APBB2: variants seen among roughly 807,000 people sequenced by gnomAD.
The protein encoded by APBB2 is Fe65-like 1.
APBB2 carries 38 observed loss-of-function variants against 82.5 expected under a neutral mutation model. The observed-to-expected ratio is 0.46, with a 90% CI of 0.36 to 0.60. APBB2 has a LOEUF of 0.60. Ranked by LOEUF, APBB2 falls within the 20% of genes least tolerant of loss-of-function variation. APBB2 has a pLI of 0.00. For synonymous variants in APBB2, 341 were observed against 368.2 expected, an observed-to-expected ratio of 0.93 and a Z score of 0.85; for missense variants, 772 against 972.3, an observed-to-expected ratio of 0.79 and a Z score of 2.74.
chr4:40,970,568 G>C (rs533815135), intron 6 of APBB2, among the ~76,000 whole-genome samples: 1 of 152,158 alleles, frequency 6.6e-6, no homozygotes, highest in African/African-American at 2.4e-5. Context: ...TTCAGCAATG[G>C]TCTTGCCAGT....
chr4:41,074,771 G>A (rs548786328), intron 3 of APBB2, among the ~76,000 whole-genome samples: 61 of 151,746 alleles, frequency 4.0e-4, no homozygotes, highest in African/African-American at 1.4e-3. Flanking sequence ...CACCAGTCCC[G>A]GCTAATTTTT....
At chr4:40,833,701 T>A (rs1321836129) in intron 12 of APBB2, among the ~76,000 whole-genome samples, 1 of 152,114 alleles carries the variant, frequency 6.6e-6, no homozygotes, top group Non-Finnish European at 1.5e-5. Flanking sequence ...TATACAACCC[T>A]GGGCATGGAA....
At chr4:41,147,214 A>T (rs1761016200) in intron 1 of APBB2, among the ~76,000 whole-genome samples, 1 of 152,224 alleles carries the variant, frequency 6.6e-6, no homozygotes, top group Non-Finnish European at 1.5e-5. Context: ...TAAGATAATG[A>T]GGGTAAGTTT....
chr4:40,960,703 T>G (rs1460859190), intron 6 of APBB2, among the ~76,000 whole-genome samples: 1 of 152,124 alleles, frequency 6.6e-6, no homozygotes, highest in African/African-American at 2.4e-5. Context: ...CACCTTGGCC[T>G]CCCAGAGTGC....
chr4:40,907,948 C>T (rs1005142100), intron 10 of APBB2, among the ~76,000 whole-genome samples: 6 of 150,486 alleles, frequency 4.0e-5, no homozygotes, highest in Non-Finnish European at 8.9e-5. Context: ...GGATTACAGG[C>T]GTGAGCCACT....
chr4:41,214,377 C>A (rs920244935), intron 1 of APBB2, 28 bp downstream of exon 1: 6 of 152,278 alleles, frequency 3.9e-5, no homozygotes, highest in Non-Finnish European at 8.8e-5. Context: ...GAATCCGGGG[C>A]AAAGGCAAGG....
intron 6 of APBB2, among the ~76,000 whole-genome samples, chr4:40,983,253 C>T (rs752369631): frequency 1.3e-4 from 20 of 152,318 alleles, no homozygotes; most frequent in Non-Finnish European, 2.6e-4. Flanking sequence ...TGCTCCACGG[C>T]CTGTGCTCTT....
chr4:40,884,078 C>A (rs2154347756), intron 12 of APBB2, among the ~76,000 whole-genome samples: 1 of 152,288 alleles, frequency 6.6e-6, no homozygotes, highest in Admixed American at 6.5e-5. Context: ...CGTATCTGAC[C>A]CAGCCTCTCC....
At chr4:40,896,900 G>A (rs1191399218) in intron 10 of APBB2, among the ~76,000 whole-genome samples, 2 of 152,326 alleles carry the variant, frequency 1.3e-5, no homozygotes, top group South Asian at 2.1e-4. Context: ...GCCACCAGGA[G>A]AGCATCTTAG....
chr4:41,080,856 C>A (rs924907756), intron 3 of APBB2, among the ~76,000 whole-genome samples: 2 of 152,140 alleles, frequency 1.3e-5, no homozygotes, highest in African/African-American at 4.8e-5. Context: ...GTGCCTGCCA[C>A]TACACCAGGC....
intron 12 of APBB2, chr4:40,880,132 A>G: frequency 1.0e-6 from 1 of 985,464 alleles, no homozygotes; most frequent in Non-Finnish European, 1.2e-6. Context: ...GGATGGAGAC[A>G]GTGGCACACA....
intron 6 of APBB2, among the ~76,000 whole-genome samples, chr4:40,947,101 A>G (rs925363904): frequency 3.3e-5 from 5 of 152,324 alleles, no homozygotes; most frequent in African/African-American, 1.2e-4. Context: ...ATGTGTTTAC[A>G]TTTCTTTGTC....
At chr4:41,171,096 C>T (rs996829533) in intron 1 of APBB2, among the ~76,000 whole-genome samples, 1 of 152,182 alleles carries the variant, frequency 6.6e-6, no homozygotes, top group African/African-American at 2.4e-5. Context: ...AGGCTTGCCT[C>T]CAGAACTCCT....
At chr4:40,976,690 C>T (rs1036483957) in intron 6 of APBB2, among the ~76,000 whole-genome samples, 2 of 152,192 alleles carry the variant, frequency 1.3e-5, no homozygotes, top group Non-Finnish European at 2.9e-5. Flanking sequence ...CCTAAACAGA[C>T]ACAGCACTGG....
At chr4:41,164,199 G>T (rs1765894482) in intron 1 of APBB2, among the ~76,000 whole-genome samples, 1 of 152,132 alleles carries the variant, frequency 6.6e-6, no homozygotes, top group Admixed American at 6.5e-5. Flanking sequence ...ATGAAACAAA[G>T]TTTTGACTTT....
At chr4:41,165,689 C>T (rs900705670) in intron 1 of APBB2, among the ~76,000 whole-genome samples, 3 of 152,078 alleles carry the variant, frequency 2.0e-5, no homozygotes, top group Admixed American at 1.3e-4. Flanking sequence ...AAGGTATGCC[C>T]ACTATGAAAC....
intron 12 of APBB2, among the ~76,000 whole-genome samples, chr4:40,837,197 C>T (rs567610833): frequency 2.9e-4 from 44 of 152,092 alleles, no homozygotes; most frequent in Non-Finnish European, 5.4e-4. Flanking sequence ...AAGAGTGTGT[C>T]GGGTGCCACA....
At chr4:41,017,254 A>T (rs999187630) in intron 5 of APBB2, among the ~76,000 whole-genome samples, 1 of 152,224 alleles carries the variant, frequency 6.6e-6, no homozygotes, top group African/African-American at 2.4e-5. Context: ...TATCTTAGAC[A>T]TTAAATAATG....
chr4:40,859,310 G>A lies in APBB2; in HGVS notation c.1530-28733C>T, dbSNP rs1264716844. Among the ~76,000 whole-genome samples, 5 of 147,676 alleles carry A rather than the reference G, an allele frequency of 3.4e-5. No individual in the cohort carries two copies. In the East Asian group the frequency reaches 9.8e-4, roughly 29 times the overall value. Reference sequence around the variant, plus strand: ...TCATTTTTTTTTTTTTTTTGAGACAGTGTCTCACTAGTGCAGTGGCCGCTA... The same window carrying A: ...TCATTTTTTTTTTTTTTTTGAGACAATGTCTCACTAGTGCAGTGGCCGCTA... On this transcript the variant is annotated intron_variant, in intron 12 of 17. Coordinates refer to ENST00000508593, the MANE Select transcript of APBB2 (RefSeq NM_004307.2).
Sources: allele counts gnomAD v4.1 joint callset (sites outside exome capture counted in the v4.1 genomes callset), GRCh38; gene constraint gnomAD v4.1.1; transcripts MANE v1.5; gene names NCBI Gene and HGNC (gene_info 2026-07-23, HGNC 2026-07-21).